Variants in RUNX2 observed in about 807,000 individuals in gnomAD.
The protein encoded by RUNX2 is RUNX family transcription factor 2.
In RUNX2, 10 loss-of-function variants were observed where a neutral mutation model predicts 51.7. The observed-to-expected ratio is 0.19, with a 90% confidence interval of 0.12 to 0.33. RUNX2 has a LOEUF of 0.33. Ranked by LOEUF, RUNX2 falls within the 10% of genes least tolerant of loss-of-function variation. RUNX2 has a pLI of 1.00. For synonymous variants in RUNX2, 276 were observed against 273.6 expected (o/e 1.01, Z -0.09); for missense variants, 562 against 691.3 (o/e 0.81, Z 2.10).
intron 2 of RUNX2, chr6:45,378,041 T>G (rs1022609792): frequency 6.6e-6 from 1 of 151,892 alleles, no homozygotes; most frequent in East Asian, 2.0e-4. Flanking sequence ...GCACTGGCAG[T>G]GCGGGCGCAT....
intron 2 of RUNX2, among the ~76,000 whole-genome samples, chr6:45,374,671 AGT>A: frequency 6.6e-6 from 1 of 152,224 alleles, no homozygotes; most frequent in Non-Finnish European, 1.5e-5. Context: ...AAATAAAATC[AGT>A]GTTATTTCAA....
intron 5 of RUNX2, 51 bp downstream of exon 5, chr6:45,438,102 T>A: frequency 8.6e-7 from 1 of 1,167,920 alleles, no homozygotes; most frequent in Non-Finnish European, 1.3e-6. Context: ...CCAGAGACCC[T>A]ATGAGGAATT....
At chr6:45,408,569 G>C (rs1231842217) in intron 2 of RUNX2, among the ~76,000 whole-genome samples, 4 of 152,000 alleles carry the variant, frequency 2.6e-5, no homozygotes, top group Non-Finnish European at 5.9e-5. Context: ...AGATGCCTGT[G>C]TCATGTAATT....
Position 45,485,695 on chromosome 6 carries a change from G to GTATATATATATATATATATATATATATA in RUNX2, c.686-6245_686-6244insATATATATATATATATATATATATATAT, listed in dbSNP as rs1389655363. Among the ~76,000 whole-genome samples, 152 of 106,994 alleles carry GTATATATATATATATATATATATATATA rather than the reference G, an allele frequency of 1.4e-3. 3 individuals are homozygous for GTATATATATATATATATATATATATATA. The highest frequency in any genetic ancestry group is 1.7e-3 in the Non-Finnish European group (89 of 51,074). 70.2% of individuals were successfully genotyped at this position (106,994 alleles called of 152,430 possible). On this transcript the variant is annotated intron_variant, in intron 5 of 8. Coordinates refer to ENST00000647337, the MANE Select transcript of RUNX2 (RefSeq NM_001024630.4). ...TGTATGTGTGTGTGTGTGTGTGTGTGTGTATATATATATATATATATACAC... is the reference window on the plus strand; with the variant it reads ...TGTATGTGTGTGTGTGTGTGTGTGTGTATATATATATATATATATATATATATATGTATATATATATATATATATACAC...
At chr6:45,423,707 G>C (rs897801502) in intron 3 of RUNX2, among the ~76,000 whole-genome samples, 1 of 152,216 alleles carries the variant, frequency 6.6e-6, no homozygotes, top group South Asian at 2.1e-4. Context: ...CAGGGCGGGG[G>C]CGTTTGCTCT....
At chr6:45,335,987 G>A (rs996647240) in intron 2 of RUNX2, among the ~76,000 whole-genome samples, 8 of 151,268 alleles carry the variant, frequency 5.3e-5, no homozygotes, top group Non-Finnish European at 1.0e-4. Context: ...ATGTGCTACA[G>A]TGTATTTCTA....
At chr6:45,526,406 G>A (rs957508695) in intron 7 of RUNX2, among the ~76,000 whole-genome samples, 35 of 152,114 alleles carry the variant, frequency 2.3e-4, no homozygotes, top group African/African-American at 8.5e-4. Context: ...TATCTTACTG[G>A]AGAAATGAGA....
intron 2 of RUNX2, among the ~76,000 whole-genome samples, chr6:45,343,258 C>T (rs1581736287): frequency 6.6e-6 from 1 of 152,046 alleles, no homozygotes; most frequent in African/African-American, 2.4e-5. Context: ...ACCTGTAATC[C>T]CAGCACTTTG....
At chr6:45,344,030 T>G (rs1336403623) in intron 2 of RUNX2, among the ~76,000 whole-genome samples, 2 of 152,192 alleles carry the variant, frequency 1.3e-5, no homozygotes, top group Non-Finnish European at 2.9e-5. Flanking sequence ...CCATGACTAC[T>G]AATTGAATAA....
intron 2 of RUNX2, among the ~76,000 whole-genome samples, chr6:45,393,094 C>T (rs537928353): frequency 3.3e-5 from 5 of 152,276 alleles, no homozygotes; most frequent in African/African-American, 1.2e-4. Flanking sequence ...TTTGCTCTCA[C>T]ATGGCATTCT....
At chr6:45,431,800 A>C in intron 3 of RUNX2, 63 bp from the exon 4 acceptor site, 1 of 1,549,468 alleles carries the variant, frequency 6.5e-7, no homozygotes, top group African/African-American at 1.4e-5. Context: ...CAATGAGAAT[A>C]TATTCTGTTT....
At chr6:45,353,770 T>C (rs1750385665) in intron 2 of RUNX2, among the ~76,000 whole-genome samples, 1 of 151,660 alleles carries the variant, frequency 6.6e-6, no homozygotes, top group Non-Finnish European at 1.5e-5. Flanking sequence ...ATATGAGCAA[T>C]GAAAACTCAT....
intron 5 of RUNX2, among the ~76,000 whole-genome samples, chr6:45,482,884 C>T (rs185836565): frequency 2.0e-5 from 3 of 152,154 alleles, no homozygotes; most frequent in Non-Finnish European, 2.9e-5. Flanking sequence ...CCGAATCTTA[C>T]GTGCCTGACT....
chr6:45,400,117 AGGAG>A (rs1204218773), intron 2 of RUNX2, among the ~76,000 whole-genome samples: 2 of 117,710 alleles, frequency 1.7e-5, no homozygotes, highest in African/African-American at 6.5e-5. Context: ...GAAGGAAAGG[AGGAG>A]GGAGGGAAGG....
At chr6:45,393,523 A>G (rs138064235) in intron 2 of RUNX2, among the ~76,000 whole-genome samples, 13,520 of 151,794 alleles carry the variant, frequency 0.089, 772 homozygotes, top group South Asian at 0.18. Flanking sequence ...TCTGCCTCCC[A>G]GGTTCAAGAG....
intron 2 of RUNX2, among the ~76,000 whole-genome samples, chr6:45,331,471 T>A (rs567137327): frequency 6.6e-6 from 1 of 152,024 alleles, no homozygotes; most frequent in Non-Finnish European, 1.5e-5. Flanking sequence ...AGCTTCTTTT[T>A]AAAATACAGA....
At chr6:45,399,795 GA>G (rs1665007592) in intron 2 of RUNX2, among the ~76,000 whole-genome samples, 1 of 149,130 alleles carries the variant, frequency 6.7e-6, no homozygotes, top group African/African-American at 2.5e-5. Context: ...GGAAAGGAGG[GA>G]AGGAAGGAAG....
intron 7 of RUNX2, among the ~76,000 whole-genome samples, chr6:45,517,697 C>T (rs957618309): frequency 5.3e-5 from 8 of 152,066 alleles, no homozygotes; most frequent in African/African-American, 1.7e-4. Context: ...TTATGACTTT[C>T]GGTGGCTAAA....
In RUNX2 at chr6:45,390,852, G is replaced by A. The variant is rs115937472; in HGVS notation, c.59-31741G>A. On this transcript the variant is annotated intron_variant, in intron 2 of 8. Coordinates refer to ENST00000647337, the MANE Select transcript of RUNX2 (RefSeq NM_001024630.4). ...AAGATTGGGTTTGTGGGGCAAGGGAGTACATTTCCTTCAGGGAAAACTCCT... is the reference window on the plus strand; with the variant it reads ...AAGATTGGGTTTGTGGGGCAAGGGAATACATTTCCTTCAGGGAAAACTCCT... Among the ~76,000 whole-genome samples, 282 of 152,292 alleles carry A rather than the reference G, an allele frequency of 1.9e-3. 1 individual carries two copies. Among genetic ancestry groups the A allele is most frequent in the African/African-American group, 6.5e-3 (269 of 41,544 alleles).
Sources: allele counts gnomAD v4.1 joint callset (sites outside exome capture counted in the v4.1 genomes callset), GRCh38; gene constraint gnomAD v4.1.1; transcripts MANE v1.5; gene names NCBI Gene and HGNC (gene_info 2026-07-23, HGNC 2026-07-21).